The following MIGA2 variants were observed in gnomAD, a reference collection of about 807,000 sequenced individuals.
The protein encoded by MIGA2 is mitoguardin 2.
In MIGA2, 36 loss-of-function variants were observed where a neutral mutation model predicts 69.9. The observed-to-expected ratio is 0.52, with a 90% confidence interval of 0.39 to 0.68. MIGA2 has a LOEUF of 0.68. MIGA2 is among the 30% of genes least tolerant of loss of function. The pLI, the probability that MIGA2 is intolerant of heterozygous loss-of-function variation, is 0.00. For missense variants in MIGA2, 660 were observed against 787.7 expected, an observed-to-expected ratio of 0.84 and a Z score of 1.94; for synonymous variants, 333 against 349.2, an observed-to-expected ratio of 0.95 and a Z score of 0.52.
Position 129,042,442 on chromosome 9 carries a change from A to G in MIGA2, c.235A>G (p.Met79Val). 6.2e-7 allele frequency: 1 copy of G among 1,611,856 alleles called. No individual in the cohort carries two copies. Among genetic ancestry groups the G allele is most frequent in the South Asian group, 1.1e-5 (1 of 90,676 alleles). The part of the protein sequence containing the change: ...RRRKKQVGPE[M>V]GGEQLGTVPL... ...GAGGAAGAAGCAGGTTGGTCCCGAG[A>G]TGGGAGGGGAGCAGCTGGGCACGGT... Residue 79 changes from methionine to valine, a missense_variant, in exon 3 of 16, where the codon ATG becomes GTG. Met to Val is a conservative substitution (Grantham distance 21). This residue lies in a region of MIGA2 where 386 missense variants were observed against 402.0 expected (regional missense o/e 0.96). Coordinates refer to ENST00000684074, the MANE Select transcript of MIGA2 (RefSeq NM_001329990.2).
At position 129,070,422 on chromosome 9, in the gene MIGA2, G is replaced by A. The variant is rs768846627; in HGVS notation, c.1751G>A (p.Arg584Gln). Residue 584 changes from arginine (R) to glutamine (Q), a missense_variant, in exon 16 of 16, where the codon CGA becomes CAA. Arg to Gln is a conservative substitution (Grantham distance 43, BLOSUM62 1). Coordinates refer to ENST00000684074, the MANE Select transcript of MIGA2 (RefSeq NM_001329990.2). ...GCAGGCGTGAATGGGGCGCTGCCCCGAGAGAATGGGCCCCTGGGGGAGCTG... is the reference window on the plus strand; with the variant it reads ...GCAGGCGTGAATGGGGCGCTGCCCCAAGAGAATGGGCCCCTGGGGGAGCTG... ...SSAGVNGALP[R>Q]ENGPLGELQ 4.9e-5 allele frequency: 79 copies of A among 1,600,446 alleles called. No homozygotes were observed. In the African/African-American group the frequency reaches 8.4e-4, roughly 17 times the overall value.
chr9:129,070,045 AGGGCCT>A (rs745990034), intron 15 of MIGA2, 80 bp downstream of exon 15: 341 of 1,330,764 alleles, frequency 2.6e-4, no homozygotes, highest in Non-Finnish European at 3.4e-4. Context: ...GAATGGGATG[AGGGCCT>A]GGGCCTGGGC....
At chr9:129,067,317 G>A (rs1188216334) in intron 11 of MIGA2, among the ~76,000 whole-genome samples, 5 of 152,198 alleles carry the variant, frequency 3.3e-5, no homozygotes, top group Non-Finnish European at 5.9e-5. Flanking sequence ...GCCGTGCAGC[G>A]GCACTTTAAA....
intron 6 of MIGA2, among the ~76,000 whole-genome samples, chr9:129,053,092 G>A (rs147057972): frequency 5.1e-4 from 78 of 152,286 alleles, no homozygotes; most frequent in Non-Finnish European, 8.2e-4. Context: ...GAAAGAGAAG[G>A]GGGTGTAAAA....
rs79785926 is a variant in MIGA2 at position 129,047,792 on chromosome 9, C to T, written c.308-635C>T. ...CTTCCCAGTCTGGAATGAAGTATTG[C>T]GATCATGGCTTACTGCAGCCTTGAC... is the stretch of plus-strand genomic sequence containing the variant. On this transcript the variant is annotated intron_variant, in intron 3 of 15. Coordinates refer to ENST00000684074, the MANE Select transcript of MIGA2 (RefSeq NM_001329990.2). Among the ~76,000 whole-genome samples the T allele has an allele frequency of 2.9e-4, 44 of 152,010 alleles. No individual in the cohort carries two copies. In the East Asian group the frequency reaches 7.2e-3, roughly 25 times the overall value.
At position 129,069,495 on chromosome 9, in the gene MIGA2, C is replaced by G. The variant is rs1028988390; in HGVS notation, c.1459-354C>G. 3.6e-5 allele frequency: 18 copies of G among 505,222 alleles called. 1 individual carries two copies. The East Asian group carries it at 4.3e-4, about 12-fold the overall frequency. 31.3% of individuals were successfully genotyped at this position (505,222 alleles called of 1,614,324 possible). On this transcript the variant is annotated intron_variant, in intron 14 of 15. Transcript: ENST00000684074. The surrounding 1 kb of genome is among the most constrained non-coding windows in gnomAD (Gnocchi z 4.9). ...CCCGCCCCAGTCAGGCCCCTGTAAT[C>G]TCCGCTCCCAGGCAGCGACTGGCTG...
In MIGA2 at chr9:129,070,615, A is replaced by C; in HGVS notation, c.*162A>C. The C allele has an allele frequency of 1.3e-6, 1 of 769,270 alleles. No homozygotes were observed. The highest frequency in any genetic ancestry group is 2.0e-6 in the Non-Finnish European group (1 of 495,550). The allele number at this position is 769,270 out of a possible 1,614,324, so 47.7% of individuals were successfully genotyped here. ...AGAGGGGACATTTCCATGGAGAAGA[A>C]CGGTTCCTGGGGGAAGCAGAGGCCA... On this transcript the variant is annotated 3_prime_UTR_variant, in exon 16 of 16. Transcript: ENST00000684074.
intron 6 of MIGA2, among the ~76,000 whole-genome samples, chr9:129,058,565 T>C (rs1229509757): frequency 6.7e-6 from 1 of 148,256 alleles, no homozygotes; most frequent in East Asian, 2.0e-4. Context: ...AATGGCGCGA[T>C]CTTGGCTCAC....
chr9:129,036,846 G>T (rs1177012666), intron 1 of MIGA2, 165 bp downstream of exon 1: 3 of 694,480 alleles, frequency 4.3e-6, no homozygotes, highest in Non-Finnish European at 3.6e-6. Context: ...GCGAGAGGGT[G>T]CCTTGCTTGG....
Position 129,067,817 on chromosome 9 carries a change from T to C in MIGA2, c.1215T>C (p.Tyr405=), listed in dbSNP as rs751081518. The part of the protein sequence containing the change: ...FLESYEEMLS[Y]ALRPETWATT... The stretch of plus-strand genomic sequence containing the variant: ...AGAGCTACGAGGAGATGCTGAGCTA[T>C]GCCCTGCGGCCCGAGACCTGGGCCA... The change falls in exon 12 of 16, where the codon TAT becomes TAC. Residue 405 remains tyrosine, a synonymous_variant. Transcript: ENST00000684074. 1.9e-6 allele frequency: 3 copies of C among 1,613,310 alleles called. No individual in the cohort carries two copies. Among genetic ancestry groups the C allele is most frequent in the African/African-American group, 1.3e-5 (1 of 75,070 alleles).
Position 129,063,526 on chromosome 9 carries a change from T to G in MIGA2, c.1084-19T>G. 6.2e-7 allele frequency: 1 copy of G among 1,612,624 alleles called. No individual in the cohort carries two copies. The highest frequency in any genetic ancestry group is 1.1e-5 in the South Asian group (1 of 91,054). ...TGCCGTGCCCGGCAGCTCACTCCCC[T>G]CCCTTCCTCCTTCCCTAGGGGCTTC... On this transcript the variant is annotated intron_variant, in intron 10 of 15. Transcript: ENST00000684074.
intron 1 of MIGA2, among the ~76,000 whole-genome samples, chr9:129,039,585 G>A (rs1844790590): frequency 6.6e-6 from 1 of 151,704 alleles, no homozygotes; most frequent in African/African-American, 2.4e-5. Flanking sequence ...TTGAGACAGA[G>A]TTTTGCTCTG....
chr9:129,041,921 T>G (rs952732241), intron 2 of MIGA2, among the ~76,000 whole-genome samples: 129 of 152,280 alleles, frequency 8.5e-4, no homozygotes, highest in African/African-American at 3.1e-3. Flanking sequence ...CTTGAGTATA[T>G]GTCTTCATGT....
At position 129,070,540 on chromosome 9, in the gene MIGA2, G is replaced by GTTGCCCCTGACT; in HGVS notation, c.*95_*106dup. On this transcript the variant is annotated 3_prime_UTR_variant, in exon 16 of 16. Coordinates refer to ENST00000684074, the MANE Select transcript of MIGA2 (RefSeq NM_001329990.2). The stretch of plus-strand genomic sequence containing the variant: ...CTGACAGCTGTGGTGGCTGAGGGCC[G>GTTGCCCCTGACT]TTGCCCCTGACTTTGCCCCACCCCC... The GTTGCCCCTGACT allele has an allele frequency of 7.2e-7, 1 of 1,386,888 alleles. No individual in the cohort carries two copies. The highest frequency in any genetic ancestry group is 2.5e-5 in the East Asian group (1 of 39,710). The allele number at this position is 1,386,888 out of a possible 1,614,324, so 85.9% of individuals were successfully genotyped here.
chr9:129,069,038 C>A lies in MIGA2; in HGVS notation c.1405-38C>A. 1 of 1,613,356 alleles carries A rather than the reference C, an allele frequency of 6.2e-7. No individual in the cohort carries two copies. Among genetic ancestry groups the A allele is most frequent in the Non-Finnish European group, 8.5e-7 (1 of 1,179,464 alleles). On this transcript the variant is annotated intron_variant, in intron 13 of 15. Coordinates refer to ENST00000684074, the MANE Select transcript of MIGA2 (RefSeq NM_001329990.2). The surrounding 1 kb of genome is among the most constrained non-coding windows in gnomAD (Gnocchi z 4.9). Reference sequence around the variant, plus strand: ...AGGGCGAGGGGCTGTGGGCTAGGCCCATTTTGACACCCGGGGGACATCCTA... The same window carrying A: ...AGGGCGAGGGGCTGTGGGCTAGGCCAATTTTGACACCCGGGGGACATCCTA...
At chr9:129,064,506 C>CTT (rs71383628) in intron 11 of MIGA2, among the ~76,000 whole-genome samples, 2 of 140,684 alleles carry the variant, frequency 1.4e-5, no homozygotes, top group Non-Finnish European at 3.1e-5. Context: ...CGTGCCTGGC[C>CTT]TTTTTTTTTT....
chr9:129,049,017 A>T (rs1845380380), intron 4 of MIGA2, among the ~76,000 whole-genome samples: 1 of 152,088 alleles, frequency 6.6e-6, no homozygotes, highest in Non-Finnish European at 1.5e-5. Context: ...TGTGGATGAG[A>T]GGCAGGACCC....
chr9:129,053,107 C>G (rs542968261), intron 6 of MIGA2, among the ~76,000 whole-genome samples: 2 of 152,304 alleles, frequency 1.3e-5, no homozygotes, highest in African/African-American at 4.8e-5. Context: ...GTAAAATAGT[C>G]TGATCCCAGA....
chr9:129,068,559 C>T lies in MIGA2; in HGVS notation c.1404+227C>T, dbSNP rs1427611914. 1 of 554,656 alleles carries T rather than the reference C, an allele frequency of 1.8e-6. No homozygotes were observed. The highest frequency in any genetic ancestry group is 1.9e-5 in the African/African-American group (1 of 53,096). The allele number at this position is 554,656 out of a possible 1,614,324, so 34.4% of individuals were successfully genotyped here. ...AACCAACATGGTGTGCGCTTTCTTC[C>T]TATTGTGTGGTTTTACTTTTGTGCT... is the stretch of plus-strand genomic sequence containing the variant. On this transcript the variant is annotated intron_variant, in intron 13 of 15. Transcript: ENST00000684074. This position sits in a 1 kb window ranked among gnomAD's most constrained non-coding sequence, Gnocchi z 4.1.
Sources: allele counts gnomAD v4.1 joint callset (sites outside exome capture counted in the v4.1 genomes callset), GRCh38; gene constraint gnomAD v4.1.1; regional missense constraint gnomAD v4.1.1; non-coding constraint Gnocchi (gnomAD v3.1); transcripts MANE v1.5; gene names NCBI Gene and HGNC (gene_info 2026-07-23, HGNC 2026-07-21).